The following SIPA1L2 variants were observed in gnomAD, a reference collection of about 807,000 sequenced individuals.
SIPA1L2 encodes signal-induced proliferation-associated 1-like protein 2.
SIPA1L2 carries 56 observed loss-of-function variants against 163.9 expected under a neutral mutation model. That is an observed-to-expected ratio of 0.34 (90% CI 0.28 to 0.43). The LOEUF (loss-of-function observed/expected upper bound fraction) is 0.43. SIPA1L2 is among the 20% of genes least tolerant of loss of function. SIPA1L2 has a pLI of 1.00. For missense variants in SIPA1L2, 1,974 were observed against 2,193.5 expected, an observed-to-expected ratio of 0.90 and a Z score of 2.00; for synonymous variants, 877 against 865.7, an observed-to-expected ratio of 1.01 and a Z score of -0.23.
In SIPA1L2 at chr1:232,404,036, G is replaced by A. The variant is rs1286059822; in HGVS notation, c.4816+89C>T. ...GCTGTGCACCCCCAACCCTCAGGGCGTGAATAACCATGCAGACGTGCAGAC... is the reference window on the plus strand; with the variant it reads ...GCTGTGCACCCCCAACCCTCAGGGCATGAATAACCATGCAGACGTGCAGAC... On this transcript the variant is annotated intron_variant, in intron 20 of 22. Coordinates refer to ENST00000674635, the MANE Select transcript of SIPA1L2 (RefSeq NM_020808.5). 51 of 1,455,748 alleles carry A rather than the reference G, an allele frequency of 3.5e-5. 1 individual carries two copies. Among genetic ancestry groups the A allele is most frequent in the Middle Eastern group, 1.7e-4 (1 of 5,744 alleles). The allele number at this position is 1,455,748 out of a possible 1,614,324, so 90.2% of individuals were successfully genotyped here.
At chr1:232,437,552 T>TC (rs1306089142) in intron 15 of SIPA1L2, among the ~76,000 whole-genome samples, 1 of 152,150 alleles carries the variant, frequency 6.6e-6, no homozygotes, top group Admixed American at 6.5e-5. Flanking sequence ...TGGCATCCAC[T>TC]CCCCCTTCTC....
intron 7 of SIPA1L2, among the ~76,000 whole-genome samples, chr1:232,472,174 G>A (rs1402521139): frequency 6.6e-6 from 1 of 152,130 alleles, no homozygotes; most frequent in Non-Finnish European, 1.5e-5. Context: ...CTTGACCAAC[G>A]CCTTTACTTT....
chr1:232,628,956 C>T (rs1372302721), intron 1 of SIPA1L2, among the ~76,000 whole-genome samples: 4 of 152,028 alleles, frequency 2.6e-5, no homozygotes, highest in African/African-American at 9.7e-5. Flanking sequence ...CTTGTCAAAA[C>T]CCAGTCTCAA....
chr1:232,426,114 T>C (rs1278487919), intron 17 of SIPA1L2, among the ~76,000 whole-genome samples: 1 of 152,240 alleles, frequency 6.6e-6, no homozygotes, highest in African/African-American at 2.4e-5. Flanking sequence ...ATAGCAGTGA[T>C]AGTTCCTGGA....
At chr1:232,439,606 C>CT in intron 14 of SIPA1L2, 110 bp from the exon 15 acceptor site, 1 of 1,287,454 alleles carries the variant, frequency 7.8e-7, no homozygotes, top group Non-Finnish European at 1.1e-6. Flanking sequence ...GCCCTTTCTA[C>CT]TCACTCTTCA....
rs756747643 is a variant in SIPA1L2, at chr1:232,465,000, T to C, written c.2660A>G (p.Asp887Gly). 1 of 1,614,208 alleles carries C rather than the reference T, an allele frequency of 6.2e-7. No homozygotes were observed. The highest frequency in any genetic ancestry group is 2.2e-5 in the East Asian group (1 of 44,890). ...ACAGTTGAATACAACATTCTTGGAA[T>C]CCTTTTCAATCAACATGATGAACTC... ...SNEFIMLIEK[D>G]SKNVVFNCSC... Residue 887 changes from aspartate (D) to glycine (G), a missense_variant, in exon 9 of 23, where the codon GAT becomes GGT. Physicochemically the swap from Asp to Gly is moderately conservative, Grantham distance 94 (BLOSUM62 -1). Coordinates refer to ENST00000674635, the MANE Select transcript of SIPA1L2 (RefSeq NM_020808.5).
At chr1:232,454,810 C>T (rs891286194) in intron 10 of SIPA1L2, among the ~76,000 whole-genome samples, 4 of 152,184 alleles carry the variant, frequency 2.6e-5, no homozygotes, top group African/African-American at 7.2e-5. Flanking sequence ...CTACACTACC[C>T]TGAGACATTT....
At chr1:232,461,887 G>T (rs1664255451) in intron 9 of SIPA1L2, among the ~76,000 whole-genome samples, 1 of 152,306 alleles carries the variant, frequency 6.6e-6, no homozygotes, top group East Asian at 1.9e-4. Context: ...GGACCACTCA[G>T]ATCCATGGTG....
At chr1:232,497,983 T>C (rs543458443) in intron 3 of SIPA1L2, among the ~76,000 whole-genome samples, 2 of 152,278 alleles carry the variant, frequency 1.3e-5, no homozygotes, top group African/African-American at 2.4e-5. Context: ...CTGCTCCCTC[T>C]GCCTGGAATG....
At chr1:232,620,405 TA>T (rs1473944611) in intron 1 of SIPA1L2, among the ~76,000 whole-genome samples, 2 of 152,176 alleles carry the variant, frequency 1.3e-5, no homozygotes. Context: ...ACAGATGTGC[TA>T]AGCCTTTGCT....
intron 3 of SIPA1L2, among the ~76,000 whole-genome samples, chr1:232,501,297 A>G (rs1666468586): frequency 6.6e-6 from 1 of 152,158 alleles, no homozygotes; most frequent in Non-Finnish European, 1.5e-5. Flanking sequence ...AGTAGACTAC[A>G]GTATAAACAA....
intron 1 of SIPA1L2, among the ~76,000 whole-genome samples, chr1:232,613,121 TG>T (rs10719117): frequency 0.54 from 82,012 of 151,950 alleles, 22,323 homozygotes; most frequent in African/African-American, 0.6. Context: ...GCCATGATTC[TG>T]AGGCCTCCGC....
intron 1 of SIPA1L2, among the ~76,000 whole-genome samples, chr1:232,619,274 A>G (rs184218039): frequency 9.8e-5 from 15 of 152,316 alleles, no homozygotes; most frequent in Admixed American, 9.8e-4. Flanking sequence ...TTTCCTAACC[A>G]TGCAAACCCA....
At chr1:232,408,635 C>T (rs577047388) in intron 19 of SIPA1L2, among the ~76,000 whole-genome samples, 1 of 152,164 alleles carries the variant, frequency 6.6e-6, no homozygotes, top group African/African-American at 2.4e-5. Flanking sequence ...TGTGGTTGAA[C>T]ATTTTTCACC....
chr1:232,563,584 C>A (rs1342262537), intron 2 of SIPA1L2, among the ~76,000 whole-genome samples: 1 of 151,978 alleles, frequency 6.6e-6, no homozygotes, highest in Non-Finnish European at 1.5e-5. Flanking sequence ...AGTTCTCAAC[C>A]CTTCCTTCAT....
At chr1:232,578,430 AG>A (rs1383793939) in intron 1 of SIPA1L2, among the ~76,000 whole-genome samples, 1 of 152,174 alleles carries the variant, frequency 6.6e-6, no homozygotes, top group Non-Finnish European at 1.5e-5. Flanking sequence ...CAAAAAAAAA[AG>A]GCATGATATT....
chr1:232,612,752 C>CTGT (rs1662311637), intron 1 of SIPA1L2, among the ~76,000 whole-genome samples: 1 of 152,118 alleles, frequency 6.6e-6, no homozygotes, highest in Admixed American at 6.6e-5. Flanking sequence ...AGACTTTGGA[C>CTGT]TGTTAACTTT....
At chr1:232,507,944 G>A (rs905747827) in intron 3 of SIPA1L2, among the ~76,000 whole-genome samples, 2 of 152,176 alleles carry the variant, frequency 1.3e-5, no homozygotes, top group Non-Finnish European at 1.5e-5. Context: ...GGATAATGAC[G>A]AAATGTTAAT....
intron 19 of SIPA1L2, among the ~76,000 whole-genome samples, chr1:232,405,647 T>G (rs1408305476): frequency 6.6e-6 from 1 of 152,118 alleles, no homozygotes; most frequent in Non-Finnish European, 1.5e-5. Context: ...TTTTAAAAAA[T>G]CTTTAGGAGA....
Sources: allele counts gnomAD v4.1 joint callset (sites outside exome capture counted in the v4.1 genomes callset), GRCh38; gene constraint gnomAD v4.1.1; transcripts MANE v1.5; gene names NCBI Gene and HGNC (gene_info 2026-07-23, HGNC 2026-07-21).